The following PACS1 variants were observed in gnomAD, a reference collection of about 807,000 sequenced individuals.
PACS1 encodes the protein phosphofurin acidic cluster sorting protein 1.
PACS1 carries 24 observed loss-of-function variants against 115.0 expected under a neutral mutation model. The observed-to-expected ratio is 0.21, with a 90% confidence interval of 0.15 to 0.29. The LOEUF (loss-of-function observed/expected upper bound fraction) is 0.29, where lower values mean the gene tolerates loss of function less well. Ranked by LOEUF, PACS1 falls within the 10% of genes least tolerant of loss-of-function variation. The pLI, the probability that PACS1 is intolerant of heterozygous loss-of-function variation, is 1.00. For synonymous variants in PACS1, 453 were observed against 504.5 expected (o/e 0.90, Z 1.37); for missense variants, 838 against 1,251.2 (o/e 0.67, Z 4.98).
chr11:66,103,945 A>T (rs12417368), intron 1 of PACS1, among the ~76,000 whole-genome samples: 1 of 71,124 alleles, frequency 1.4e-5, no homozygotes, highest in African/African-American at 5.4e-5. Context: ...CCCCACTCCC[A>T]CCCCCAGATT....
chr11:66,178,922 C>G (rs1317284689), intron 1 of PACS1, among the ~76,000 whole-genome samples: 3 of 152,176 alleles, frequency 2.0e-5, no homozygotes, highest in Non-Finnish European at 4.4e-5. Flanking sequence ...GGAACTCCCA[C>G]AGGTCCCAGA....
chr11:66,235,687 T>G lies in PACS1; in HGVS notation c.2208-211T>G, dbSNP rs187406048. Reference sequence around the variant, plus strand: ...AGACGTGGGAAGCAGGGAGCGTAGCTTGCATGATCAGGTCATTTGCCCTCA... The same window carrying G: ...AGACGTGGGAAGCAGGGAGCGTAGCGTGCATGATCAGGTCATTTGCCCTCA... On this transcript the variant is annotated intron_variant, in intron 18 of 23. Coordinates refer to ENST00000320580, the MANE Select transcript of PACS1 (RefSeq NM_018026.4). This position sits in a 1 kb window ranked among gnomAD's most constrained non-coding sequence, Gnocchi z 5.6. Among the ~76,000 whole-genome samples, 53 of 152,246 alleles carry G rather than the reference T, an allele frequency of 3.5e-4. 2 individuals are homozygous for G. In the East Asian group the frequency reaches 0.01, roughly 29 times the overall value.
intron 2 of PACS1, among the ~76,000 whole-genome samples, chr11:66,201,442 G>A (rs1452094906): frequency 6.6e-6 from 1 of 151,986 alleles, no homozygotes; most frequent in East Asian, 1.9e-4. Context: ...ATGGGATACA[G>A]CAAAAGCAGT....
In PACS1 at chr11:66,233,259, G is replaced by A. The variant is rs1855637610; in HGVS notation, c.1838+193G>A. On this transcript the variant is annotated intron_variant, in intron 15 of 23. Coordinates refer to ENST00000320580, the MANE Select transcript of PACS1 (RefSeq NM_018026.4). This position sits in a 1 kb window ranked among gnomAD's most constrained non-coding sequence, Gnocchi z 4.5. ...CCCGGCAGACCCCAGAGGATCGGGGGTGGAAATATCAATTCCTGTGCTCCC... is the reference window on the plus strand; with the variant it reads ...CCCGGCAGACCCCAGAGGATCGGGGATGGAAATATCAATTCCTGTGCTCCC... Among the ~76,000 whole-genome samples the A allele has an allele frequency of 1.3e-5, 2 of 152,290 alleles. No homozygotes were observed. Among genetic ancestry groups the A allele is most frequent in the East Asian group, 3.9e-4 (2 of 5,178 alleles).
At chr11:66,102,485 A>G (rs957640086) in intron 1 of PACS1, among the ~76,000 whole-genome samples, 2 of 150,938 alleles carry the variant, frequency 1.3e-5, no homozygotes, top group African/African-American at 4.9e-5. Flanking sequence ...CCACCACGCC[A>G]GGCTAATTTT....
chr11:66,193,415 T>C, intron 1 of PACS1, 71 bp from the exon 2 acceptor site: 1 of 1,060,726 alleles, frequency 9.4e-7, no homozygotes, highest in Non-Finnish European at 1.5e-6. Flanking sequence ...GCAGATTGCC[T>C]AACCAATTGT....
At chr11:66,161,592 A>G (rs1481682242) in intron 1 of PACS1, among the ~76,000 whole-genome samples, 1 of 152,236 alleles carries the variant, frequency 6.6e-6, no homozygotes, top group Non-Finnish European at 1.5e-5. Flanking sequence ...ATTAGAAAAA[A>G]AAGTGAATAA....
intron 1 of PACS1, among the ~76,000 whole-genome samples, chr11:66,091,130 C>T (rs902656506): frequency 6.6e-6 from 1 of 151,980 alleles, no homozygotes; most frequent in Non-Finnish European, 1.5e-5. Context: ...GATTACTTTC[C>T]TCCCTGGTTT....
intron 1 of PACS1, among the ~76,000 whole-genome samples, chr11:66,093,231 C>T (rs1590738584): frequency 6.6e-6 from 1 of 152,142 alleles, no homozygotes; most frequent in Non-Finnish European, 1.5e-5. Context: ...AGGTCCTTCA[C>T]GTCCCGTGTA....
chr11:66,124,591 T>G (rs1463372647), intron 1 of PACS1, among the ~76,000 whole-genome samples: 1 of 152,212 alleles, frequency 6.6e-6, no homozygotes, highest in Non-Finnish European at 1.5e-5. Flanking sequence ...TCTGAAGCCT[T>G]TCTTGCATTT....
chr11:66,149,397 G>A (rs1038529944), intron 1 of PACS1, among the ~76,000 whole-genome samples: 5 of 151,710 alleles, frequency 3.3e-5, no homozygotes, highest in Non-Finnish European at 5.9e-5. Flanking sequence ...CAGCCAACAC[G>A]CACTTTTTTT....
At chr11:66,198,890 A>T (rs926720347) in intron 2 of PACS1, among the ~76,000 whole-genome samples, 4 of 152,240 alleles carry the variant, frequency 2.6e-5, no homozygotes, top group Non-Finnish European at 4.4e-5. Flanking sequence ...TGTTAATTTT[A>T]AATGGATTAA....
chr11:66,106,942 C>T (rs1307156675), intron 1 of PACS1, among the ~76,000 whole-genome samples: 1 of 152,180 alleles, frequency 6.6e-6, no homozygotes, highest in East Asian at 1.9e-4. Flanking sequence ...TGCCTCTGGG[C>T]TTCATGTGAG....
intron 19 of PACS1, chr11:66,237,964 G>T (rs1398418864): frequency 1.5e-6 from 1 of 665,330 alleles, no homozygotes; most frequent in Non-Finnish European, 1.9e-6. Context: ...GCCCCATCAG[G>T]GTCCAGCCCT....
intron 1 of PACS1, among the ~76,000 whole-genome samples, chr11:66,142,160 A>T (rs1203422336): frequency 6.6e-6 from 1 of 151,778 alleles, no homozygotes; most frequent in Non-Finnish European, 1.5e-5. Flanking sequence ...GGCTCAACTG[A>T]TCCTCTTGCC....
intron 8 of PACS1, 174 bp from the exon 9 acceptor site, chr11:66,220,457 C>G (rs889244725): frequency 9.5e-6 from 6 of 628,372 alleles, no homozygotes; most frequent in Non-Finnish European, 5.5e-6. Flanking sequence ...CTCACCATGT[C>G]CCCGCCCTCA....
intron 1 of PACS1, among the ~76,000 whole-genome samples, chr11:66,082,608 T>G (rs1371909536): frequency 6.6e-6 from 1 of 152,122 alleles, no homozygotes; most frequent in African/African-American, 2.4e-5. Flanking sequence ...ACGCCTGTAA[T>G]CCCAGCACTT....
At chr11:66,100,736 C>A in intron 1 of PACS1, 1 of 452,224 alleles carries the variant, frequency 2.2e-6, no homozygotes, top group South Asian at 1.6e-5. Flanking sequence ...CATCCAGGGG[C>A]GGAGGCTAGA....
At position 66,192,260 on chromosome 11, in the gene PACS1, G is replaced by A. The variant is rs148496220; in HGVS notation, c.357-1226G>A. Among the ~76,000 whole-genome samples, 123 of 152,340 alleles carry A rather than the reference G, an allele frequency of 8.1e-4. 1 individual carries two copies. Among genetic ancestry groups the A allele is most frequent in the African/African-American group, 2.7e-3 (112 of 41,582 alleles). On this transcript the variant is annotated intron_variant, in intron 1 of 23. Coordinates refer to ENST00000320580, the MANE Select transcript of PACS1 (RefSeq NM_018026.4). Reference sequence around the variant, plus strand: ...TTTGGGCAGATGTTGGGGAGAGAGCGGTGGAGAGGCAAGCCTGCTGCCTGC... The same window carrying A: ...TTTGGGCAGATGTTGGGGAGAGAGCAGTGGAGAGGCAAGCCTGCTGCCTGC...
Sources: gnomAD v4.1 joint callset for allele counts (sites outside exome capture counted in the v4.1 genomes callset) on GRCh38, gnomAD v4.1.1 for gene constraint, Gnocchi (gnomAD v3.1) non-coding constraint, MANE v1.5 for transcripts, NCBI Gene and HGNC (gene_info 2026-07-23, HGNC 2026-07-21) for gene names.